The following PHF21A variants were observed in gnomAD, a reference collection of about 807,000 sequenced individuals.
The protein encoded by PHF21A is PHD finger protein 21A.
A neutral mutation model predicts 82.5 loss-of-function variants in PHF21A; 11 were observed. The ratio of observed to expected loss-of-function variants is 0.13; its 90% confidence interval spans 0.08 to 0.22. The LOEUF (loss-of-function observed/expected upper bound fraction) is 0.22, where lower values mean the gene tolerates loss of function less well. Ranked by LOEUF, PHF21A falls within the 10% of genes least tolerant of loss-of-function variation. The pLI is 1.00. For synonymous variants in PHF21A, 297 were observed against 302.8 expected (o/e 0.98, Z 0.20); for missense variants, 579 against 837.8 (o/e 0.69, Z 3.81).
At chr11:45,941,825 CA>C (rs530340466) in intron 15 of PHF21A, among the ~76,000 whole-genome samples, 56 of 152,304 alleles carry the variant, frequency 3.7e-4, no homozygotes, top group African/African-American at 1.2e-3. Flanking sequence ...AGCACTCTGG[CA>C]ATACCAACTG....
At chr11:45,941,733 A>C (rs1344076198) in intron 15 of PHF21A, among the ~76,000 whole-genome samples, 1 of 152,238 alleles carries the variant, frequency 6.6e-6, no homozygotes, top group Non-Finnish European at 1.5e-5. Flanking sequence ...CCAAATTATT[A>C]CTATAAACCA....
At chr11:45,940,676 TACTCTTTTCCTCTAGAGG>T (rs1372839605) in intron 15 of PHF21A, among the ~76,000 whole-genome samples, 1 of 114,500 alleles carries the variant, frequency 8.7e-6, no homozygotes, top group Non-Finnish European at 1.9e-5. Flanking sequence ...GGCTGAGGGC[TACTCTTTTCCTCTAGAGG>T]GTCAGCCTTT....
intron 2 of PHF21A, among the ~76,000 whole-genome samples, chr11:46,090,848 T>A (rs1008227017): frequency 2.0e-5 from 3 of 152,062 alleles, no homozygotes; most frequent in African/African-American, 2.4e-5. Context: ...TGTTCCATTA[T>A]TGGAACACTA....
In PHF21A at chr11:46,099,523, G is replaced by GACACACACACACACACAC. The variant is rs71038882; in HGVS notation, c.-236-7318_-236-7301dup. Among the ~76,000 whole-genome samples the GACACACACACACACACAC allele has an allele frequency of 8.3e-3, 1,141 of 137,636 alleles. 16 individuals are homozygous for GACACACACACACACACAC. Among genetic ancestry groups the GACACACACACACACACAC allele is most frequent in the Middle Eastern group, 0.029 (8 of 274 alleles). 90.3% of individuals were successfully genotyped at this position (137,636 alleles called of 152,430 possible). On this transcript the variant is annotated intron_variant, in intron 1 of 18. Transcript: ENST00000676320. ...TGCCTTTCAGGCTATAGAAAAATTA[G>GACACACACACACACACAC]ACACACACACACACACACACACACA... is the stretch of plus-strand genomic sequence containing the variant.
At position 46,079,193 on chromosome 11, in the gene PHF21A, A is replaced by G. The variant is rs760405638; in HGVS notation, c.55-27T>C. 9 of 1,581,978 alleles carry G rather than the reference A, an allele frequency of 5.7e-6. No individual in the cohort carries two copies. In the South Asian group the frequency reaches 5.7e-5, roughly 10 times the overall value. ...TGGTAATAAAGAGAGAAAAAGAGCC[A>G]TCAGTCTTACATATTAACTCCCTAT... On this transcript the variant is annotated intron_variant, in intron 4 of 18. Transcript: ENST00000676320.
At chr11:45,984,709 C>G (rs1312821589) in intron 6 of PHF21A, among the ~76,000 whole-genome samples, 3 of 152,128 alleles carry the variant, frequency 2.0e-5, no homozygotes, top group Admixed American at 6.5e-5. Context: ...AAAATTGCTC[C>G]CACAAATTTT....
intron 6 of PHF21A, among the ~76,000 whole-genome samples, chr11:45,981,104 G>A (rs1207091824): frequency 1.3e-5 from 2 of 151,948 alleles, no homozygotes; most frequent in Admixed American, 6.6e-5. Flanking sequence ...CTATATTGCT[G>A]GCCCAACACG....
chr11:46,018,447 A>C (rs1193659110), intron 6 of PHF21A, among the ~76,000 whole-genome samples: 1 of 152,130 alleles, frequency 6.6e-6, no homozygotes, highest in African/African-American at 2.4e-5. Flanking sequence ...AGTTGGGAAA[A>C]ATCTATAGGG....
chr11:46,012,598 G>A (rs1220193817), intron 6 of PHF21A, among the ~76,000 whole-genome samples: 1 of 152,152 alleles, frequency 6.6e-6, no homozygotes, highest in Non-Finnish European at 1.5e-5. Context: ...TCAAAGGGCT[G>A]TGAAGATTAA....
Position 45,955,629 on chromosome 11 carries a change from C to G in PHF21A, c.997-2004G>C, listed in dbSNP as rs548451751. Among the ~76,000 whole-genome samples, 12 of 152,304 alleles carry G rather than the reference C, an allele frequency of 7.9e-5. No homozygotes were observed. In the South Asian group the frequency reaches 2.5e-3, roughly 32 times the overall value. On this transcript the variant is annotated intron_variant, in intron 10 of 18. Coordinates refer to ENST00000676320, the MANE Select transcript of PHF21A (RefSeq NM_001352027.3). Reference sequence around the variant, plus strand: ...AAAATTACCCATGGTTCAAATTTCTCTCTCTCATGCAAGAAAAAGTACAAT... The same window carrying G: ...AAAATTACCCATGGTTCAAATTTCTGTCTCTCATGCAAGAAAAAGTACAAT...
intron 9 of PHF21A, among the ~76,000 whole-genome samples, chr11:45,968,490 A>G (rs758433365): frequency 1.3e-5 from 2 of 152,234 alleles, no homozygotes; most frequent in Admixed American, 6.5e-5. Flanking sequence ...CCACCCTGGA[A>G]CTACATACAT....
At chr11:45,992,740 GAA>G (rs1321154650) in intron 6 of PHF21A, among the ~76,000 whole-genome samples, 1 of 152,210 alleles carries the variant, frequency 6.6e-6, no homozygotes, top group Non-Finnish European at 1.5e-5. Flanking sequence ...TAAAATATCT[GAA>G]GACACAGGGA....
intron 10 of PHF21A, among the ~76,000 whole-genome samples, chr11:45,960,104 G>A (rs1439950313): frequency 1.3e-5 from 2 of 152,230 alleles, no homozygotes; most frequent in East Asian, 3.8e-4. Flanking sequence ...TTTAGCTGCT[G>A]TGGAAAACAG....
intron 6 of PHF21A, among the ~76,000 whole-genome samples, chr11:46,006,881 T>C (rs571932717): frequency 1.3e-5 from 2 of 152,316 alleles, no homozygotes; most frequent in South Asian, 2.1e-4. Context: ...ACTAACAATA[T>C]GTATTTTCAA....
intron 3 of PHF21A, among the ~76,000 whole-genome samples, chr11:46,090,021 G>A (rs552495059): frequency 5.1e-4 from 78 of 151,840 alleles, no homozygotes; most frequent in African/African-American, 1.8e-3. Flanking sequence ...GGTCCAGGCT[G>A]TCTGAATATA....
At chr11:45,951,680 A>C (rs2092134535) in intron 11 of PHF21A, among the ~76,000 whole-genome samples, 2 of 152,184 alleles carry the variant, frequency 1.3e-5, no homozygotes, top group Admixed American at 1.3e-4. Flanking sequence ...ACTGATATTC[A>C]GATGCACCCT....
intron 6 of PHF21A, among the ~76,000 whole-genome samples, chr11:46,065,602 T>C (rs2863722): frequency 1.3e-5 from 2 of 152,228 alleles, no homozygotes; most frequent in African/African-American, 4.8e-5. Flanking sequence ...AAACTACAGC[T>C]AAAAGCATCT....
intron 6 of PHF21A, among the ~76,000 whole-genome samples, chr11:46,041,487 G>T (rs1053240360): frequency 6.6e-6 from 1 of 152,120 alleles, no homozygotes; most frequent in African/African-American, 2.4e-5. Flanking sequence ...GGGGTAATCT[G>T]AAAGTCAGAA....
At position 45,933,730 on chromosome 11, in the gene PHF21A, A is replaced by T; in HGVS notation, c.*238T>A. ...TTCACTTGGCATGGTGCTGGCAAAG[A>T]ACCTCCAGCTGGCACTATTTCATGT... On this transcript the variant is annotated 3_prime_UTR_variant, in exon 19 of 19. Transcript: ENST00000676320. The T allele has an allele frequency of 4.9e-6, 2 of 406,490 alleles. No individual in the cohort carries two copies. The highest frequency in any genetic ancestry group is 8.6e-6 in the Non-Finnish European group (2 of 231,394). 25.2% of individuals were successfully genotyped at this position (406,490 alleles called of 1,614,324 possible). A position where few individuals can be genotyped will look rare whatever the true frequency, so the allele number is the denominator to read the frequency against.
Sources: allele counts gnomAD v4.1 joint callset (sites outside exome capture counted in the v4.1 genomes callset), GRCh38; gene constraint gnomAD v4.1.1; transcripts MANE v1.5; gene names NCBI Gene and HGNC (gene_info 2026-07-23, HGNC 2026-07-21).